Variants in KEAP1 observed in about 807,000 individuals in gnomAD.
KEAP1 encodes the protein kelch like ECH associated protein 1, also known as kelch-like ECH-associated protein 1.
In KEAP1, 26 loss-of-function variants were observed where a neutral mutation model predicts 59.7. The ratio of observed to expected loss-of-function variants is 0.44; its 90% confidence interval spans 0.32 to 0.60. KEAP1 has a LOEUF of 0.60. Ranked by LOEUF, KEAP1 falls within the 20% of genes least tolerant of loss-of-function variation. The pLI is 0.06. For synonymous variants in KEAP1, 350 were observed against 358.3 expected (o/e 0.98, Z 0.26); for missense variants, 539 against 871.4 (o/e 0.62, Z 4.80).
rs2144628995 is a variant in KEAP1 at position 10,499,815 on chromosome 19, G to C, written c.219C>G (p.Ser73Arg). 1 of 1,614,034 alleles carries C rather than the reference G, an allele frequency of 6.2e-7. No homozygotes were observed. Among genetic ancestry groups the C allele is most frequent in the South Asian group, 1.1e-5 (1 of 91,088 alleles). ...AFGIMNELRLSQQLCDVTLQV... is the reference protein window; with the variant it reads ...AFGIMNELRLRQQLCDVTLQV... ...GCAGTGTGACGTCACACAGCTGCTG[G>C]CTGAGCCGCAGCTCGTTCATGATGC... Residue 73 changes from serine to arginine, a missense_variant, in exon 2 of 6, where the codon AGC becomes AGG. Ser to Arg is a moderately radical substitution (Grantham distance 110, BLOSUM62 -1). This residue lies in a region of KEAP1 where 166 missense variants were observed against 295.8 expected (regional missense o/e 0.56). Transcript: ENST00000171111. The surrounding 1 kb of genome is among the most constrained non-coding windows in gnomAD (Gnocchi z 6.7).
Position 10,489,810 on chromosome 19 carries a change from G to A in KEAP1, c.1369C>T (p.Leu457=), listed in dbSNP as rs1914607140. 1 of 1,614,136 alleles carries A rather than the reference G, an allele frequency of 6.2e-7. No homozygotes were observed. Among genetic ancestry groups the A allele is most frequent in the Non-Finnish European group, 8.5e-7 (1 of 1,180,028 alleles). The change falls in exon 4 of 6, where the codon CTG becomes TTG. Residue 457 remains leucine, a synonymous_variant. Coordinates refer to ENST00000171111, the MANE Select transcript of KEAP1 (RefSeq NM_203500.2). ...ACGCCCACCCCGATCCTTCGTGTCAGCATTGGGGCCACCAAGTGCCACTCA... is the reference window on the plus strand; with the variant it reads ...ACGCCCACCCCGATCCTTCGTGTCAACATTGGGGCCACCAAGTGCCACTCA... ...RDEWHLVAPM[L]TRRIGVGVAV...
At chr19:10,496,479 A>G (rs1198423444) in intron 2 of KEAP1, among the ~76,000 whole-genome samples, 5 of 146,524 alleles carry the variant, frequency 3.4e-5, no homozygotes, top group Non-Finnish European at 3.0e-5. Flanking sequence ...CTGATGACAG[A>G]GTGAGACTCT....
intron 1 of KEAP1, among the ~76,000 whole-genome samples, chr19:10,500,959 C>T (rs1158194349): frequency 6.6e-6 from 1 of 152,136 alleles, no homozygotes; most frequent in East Asian, 1.9e-4. Context: ...GGATTACAGG[C>T]GTAAGCCACC....
At chr19:10,500,239 C>T (rs1340575496) in intron 1 of KEAP1, among the ~76,000 whole-genome samples, 159 bp from the exon 2 acceptor site, 1 of 152,216 alleles carries the variant, frequency 6.6e-6, no homozygotes, top group African/African-American at 2.4e-5. Flanking sequence ...CCGACCTGAT[C>T]AACCTGATTG....
At chr19:10,489,969 T>G (rs1200359963) in intron 3 of KEAP1, 116 bp from the exon 4 acceptor site, 6 of 1,033,112 alleles carry the variant, frequency 5.8e-6, no homozygotes, top group Non-Finnish European at 8.4e-6. Context: ...AGAGACAGGT[T>G]CATCCGGCGC....
intron 5 of KEAP1, 139 bp downstream of exon 5, chr19:10,489,053 C>T (rs1352409715): frequency 5.5e-6 from 4 of 723,466 alleles, no homozygotes; most frequent in African/African-American, 3.7e-5. Context: ...TGTGATCACA[C>T]CACTGCACTC....
chr19:10,495,672 T>G (rs891518507), intron 2 of KEAP1, among the ~76,000 whole-genome samples: 1 of 151,404 alleles, frequency 6.6e-6, no homozygotes, highest in East Asian at 1.9e-4. Context: ...TACTCCAGCC[T>G]GAGCAACAGA....
intron 2 of KEAP1, among the ~76,000 whole-genome samples, chr19:10,497,366 G>A (rs1041812114): frequency 7.2e-5 from 11 of 152,156 alleles, no homozygotes; most frequent in African/African-American, 2.7e-4. Flanking sequence ...AGAGATCAGT[G>A]TAACATCCAT....
rs1027659115 is a variant in KEAP1 at position 10,491,747 on chromosome 19, G to A, written c.1155C>T (p.Asp385=). The change falls in exon 3 of 6, where the codon GAC becomes GAT. Residue 385 remains aspartate (D), a synonymous_variant. Coordinates refer to ENST00000171111, the MANE Select transcript of KEAP1 (RefSeq NM_203500.2). This position sits in a 1 kb window ranked among gnomAD's most constrained non-coding sequence, Gnocchi z 5.2. The part of the protein sequence containing the change: ...YAVGGRNNSP[D]GNTDSSALDC... ...CCAGGGCGCTGGAGTCGGTGTTGCC[G>A]TCGGGCGAGTTGTTCCTGCCGCCCA... 2.6e-6 allele frequency: 4 copies of A among 1,565,604 alleles called. No individual in the cohort carries two copies. Among genetic ancestry groups the A allele is most frequent in the African/African-American group, 2.7e-5 (2 of 73,706 alleles).
chr19:10,488,889 C>A (rs1474746477), intron 5 of KEAP1, among the ~76,000 whole-genome samples: 2 of 151,840 alleles, frequency 1.3e-5, no homozygotes, highest in Non-Finnish European at 2.9e-5. Flanking sequence ...TGAGATCATG[C>A]CATTGCACTC....
chr19:10,497,292 C>T (rs1424106009), intron 2 of KEAP1, among the ~76,000 whole-genome samples: 1 of 152,046 alleles, frequency 6.6e-6, no homozygotes, highest in Non-Finnish European at 1.5e-5. Context: ...AACCCTGGGG[C>T]GTCTGATCAA....
intron 4 of KEAP1, 119 bp from the exon 5 acceptor site, chr19:10,489,487 C>G (rs930158925): frequency 2.0e-5 from 25 of 1,262,808 alleles, no homozygotes; most frequent in African/African-American, 1.2e-4. Flanking sequence ...AGAAATGAAG[C>G]GGGGAGAGAG....
intron 3 of KEAP1, 91 bp from the exon 4 acceptor site, chr19:10,489,944 T>G (rs1043107053): frequency 2.3e-6 from 3 of 1,283,334 alleles, no homozygotes; most frequent in African/African-American, 1.5e-5. Context: ...TTTTCCTTTT[T>G]TTTTTCCCCC....
intron 5 of KEAP1, among the ~76,000 whole-genome samples, chr19:10,487,036 TAAAA>T (rs35072591): frequency 2.2e-4 from 20 of 92,016 alleles, no homozygotes; most frequent in African/African-American, 7.5e-4. Context: ...AGTCTCTTAC[TAAAA>T]AAAAAAAAAA....
At chr19:10,493,978 G>C (rs544263763) in intron 2 of KEAP1, among the ~76,000 whole-genome samples, 1 of 151,956 alleles carries the variant, frequency 6.6e-6, no homozygotes, top group Non-Finnish European at 1.5e-5. Context: ...GTTTTGCTCT[G>C]TCACCTAGGC....
intron 2 of KEAP1, among the ~76,000 whole-genome samples, chr19:10,494,657 C>CTT (rs111799495): frequency 9.9e-5 from 11 of 110,978 alleles, no homozygotes; most frequent in Non-Finnish European, 2.0e-4. Context: ...CTGTTTGTTT[C>CTT]TTTTTTTTTT....
chr19:10,487,537 T>C (rs572705344), intron 5 of KEAP1, among the ~76,000 whole-genome samples: 1 of 151,738 alleles, frequency 6.6e-6, no homozygotes, highest in Non-Finnish European at 1.5e-5. Flanking sequence ...ACGCCTGTAA[T>C]CTCAGCTACC....
In KEAP1 at chr19:10,503,240, C is replaced by T. The variant is rs576290594; in HGVS notation, c.-48+1G>A. On this transcript the variant is annotated splice_donor_variant, in intron 1 of 5. Coordinates refer to ENST00000171111, the MANE Select transcript of KEAP1 (RefSeq NM_203500.2). LOFTEE classifies it low-confidence loss of function (5UTR_SPLICE). The surrounding 1 kb of genome is among the most constrained non-coding windows in gnomAD (Gnocchi z 4.3). ...CCCAGTCCAGGAGATTCCTGCCTTA[C>T]CTTGGCTGTAGGGGACCCGCGGGCG... is the stretch of plus-strand genomic sequence containing the variant. 3 of 152,520 alleles carry T rather than the reference C, an allele frequency of 2.0e-5. No individual in the cohort carries two copies. The highest frequency in any genetic ancestry group is 4.4e-5 in the Non-Finnish European group (3 of 68,094). 9.4% of individuals were successfully genotyped at this position (152,520 alleles called of 1,614,324 possible). A position where few individuals can be genotyped will look rare whatever the true frequency, so the allele number is the denominator to read the frequency against.
rs764400542 is a variant in KEAP1, at chr19:10,486,628, T to C, written c.*24A>G. On this transcript the variant is annotated 3_prime_UTR_variant, in exon 6 of 6. Coordinates refer to ENST00000171111, the MANE Select transcript of KEAP1 (RefSeq NM_203500.2). Reference sequence around the variant, plus strand: ...AATGATACTCCCCATTGGACTGTATTTTTGCCCAAGAAACAAAAGTGCCTC... The same window carrying C: ...AATGATACTCCCCATTGGACTGTATCTTTGCCCAAGAAACAAAAGTGCCTC... The C allele has an allele frequency of 6.2e-7, 1 of 1,610,470 alleles. No homozygotes were observed. The highest frequency in any genetic ancestry group is 8.5e-7 in the Non-Finnish European group (1 of 1,177,916).
Sources: allele counts gnomAD v4.1 joint callset (sites outside exome capture counted in the v4.1 genomes callset), GRCh38; gene constraint gnomAD v4.1.1; regional missense constraint gnomAD v4.1.1; non-coding constraint Gnocchi (gnomAD v3.1); transcripts MANE v1.5; gene names NCBI Gene and HGNC (gene_info 2026-07-23, HGNC 2026-07-21).